Variants in TRIP4 observed in about 807,000 individuals in gnomAD.
TRIP4 encodes the protein thyroid hormone receptor interactor 4, also known as activating signal cointegrator 1.
TRIP4 carries 54 observed loss-of-function variants against 81.8 expected under a neutral mutation model. That is an observed-to-expected ratio of 0.66 (90% CI 0.53 to 0.83). TRIP4 has a LOEUF of 0.83. TRIP4 is among the 40% of genes least tolerant of loss of function. TRIP4 has a pLI of 0.00. For synonymous variants in TRIP4, 270 were observed against 242.8 expected, an observed-to-expected ratio of 1.11 and a Z score of -1.04; for missense variants, 662 against 683.6, an observed-to-expected ratio of 0.97 and a Z score of 0.35.
intron 7 of TRIP4, among the ~76,000 whole-genome samples, chr15:64,410,413 A>G (rs1490401762): frequency 6.6e-6 from 1 of 152,144 alleles, no homozygotes; most frequent in African/African-American, 2.4e-5. Context: ...GTATGTTTAC[A>G]TTGTGTTTGT....
intron 1 of TRIP4, among the ~76,000 whole-genome samples, chr15:64,392,992 C>A (rs1453442270): frequency 6.6e-6 from 1 of 152,028 alleles, no homozygotes; most frequent in Non-Finnish European, 1.5e-5. Flanking sequence ...CACCATTACA[C>A]TGTGAAAAGA....
intron 9 of TRIP4, among the ~76,000 whole-genome samples, chr15:64,418,970 CTG>C (rs746885330): frequency 6.6e-6 from 1 of 152,020 alleles, no homozygotes; most frequent in Non-Finnish European, 1.5e-5. Flanking sequence ...CTTAAACAAA[CTG>C]AGCATAAAAA....
chr15:64,455,188 A>G lies in TRIP4; in HGVS notation c.*124A>G, dbSNP rs1004597607. 5.6e-6 allele frequency: 4 copies of G among 719,904 alleles called. No homozygotes were observed. Among genetic ancestry groups the G allele is most frequent in the Admixed American group, 6.6e-5 (2 of 30,252 alleles). 44.6% of individuals were successfully genotyped at this position (719,904 alleles called of 1,614,324 possible). Reference sequence around the variant, plus strand: ...TGGCGTCAGGCTTGAATATCTCAGAACTTAAACTCTTACCAAAATCTGTAT... The same window carrying G: ...TGGCGTCAGGCTTGAATATCTCAGAGCTTAAACTCTTACCAAAATCTGTAT... On this transcript the variant is annotated 3_prime_UTR_variant, in exon 13 of 13. Transcript: ENST00000261884.
intron 12 of TRIP4, among the ~76,000 whole-genome samples, chr15:64,446,719 ATTAG>A (rs1221143669): frequency 6.6e-6 from 1 of 151,498 alleles, no homozygotes; most frequent in African/African-American, 2.4e-5. Flanking sequence ...AAAAATTTTT[ATTAG>A]TTAATTGATT....
chr15:64,395,484 G>A lies in TRIP4; in HGVS notation c.358G>A (p.Glu120Lys), dbSNP rs928446698. The part of the protein sequence containing the change: ...RNRQEVPAFT[E>K]PDTTAEVKTP... ...CAGACAGGAAGTTCCTGCATTTACT[G>A]AACCTGACACGACTGCAGAGGTTAA... is the stretch of plus-strand genomic sequence containing the variant. The change falls in exon 3 of 13, where the codon GAA becomes AAA. Residue 120 changes from glutamate (E) to lysine (K), a missense_variant. Coordinates refer to ENST00000261884, the MANE Select transcript of TRIP4 (RefSeq NM_016213.5). The A allele has an allele frequency of 6.2e-7, 1 of 1,613,858 alleles. No homozygotes were observed. The highest frequency in any genetic ancestry group is 1.1e-5 in the South Asian group (1 of 91,054).
Position 64,409,575 on chromosome 15 carries a change from A to G in TRIP4, c.828-38A>G, listed in dbSNP as rs759858202. On this transcript the variant is annotated intron_variant, in intron 6 of 12. Transcript: ENST00000261884. Reference sequence around the variant, plus strand: ...TCCAATAATCGGTCCTTATTTGTCAACAGATGACCTAATTACCATGTGTTC... The same window carrying G: ...TCCAATAATCGGTCCTTATTTGTCAGCAGATGACCTAATTACCATGTGTTC... The G allele has an allele frequency of 1.9e-6, 3 of 1,588,370 alleles. No individual in the cohort carries two copies. In the South Asian group the frequency reaches 3.3e-5, roughly 18 times the overall value.
At chr15:64,405,176 A>G (rs995787537) in intron 5 of TRIP4, among the ~76,000 whole-genome samples, 10 of 141,398 alleles carry the variant, frequency 7.1e-5, no homozygotes, top group African/African-American at 1.9e-4. Flanking sequence ...TTTTTTTGAG[A>G]TGGAGTCTTG....
At chr15:64,452,149 G>T (rs1007992473) in intron 12 of TRIP4, among the ~76,000 whole-genome samples, 2 of 151,864 alleles carry the variant, frequency 1.3e-5, no homozygotes, top group Admixed American at 6.6e-5. Flanking sequence ...GTTGAGGGGG[G>T]TTTGGTTTTT....
Position 64,406,469 on chromosome 15 carries a change from G to A in TRIP4, c.827+10G>A, listed in dbSNP as rs371331371. 1.9e-6 allele frequency: 3 copies of A among 1,610,368 alleles called. No homozygotes were observed. The highest frequency in any genetic ancestry group is 2.5e-6 in the Non-Finnish European group (3 of 1,178,736). Reference sequence around the variant, plus strand: ...AGTTTGACAGAACTAGGTATGAAAGGGTTAGAATAACAAATGCTAAGAAAT... The same window carrying A: ...AGTTTGACAGAACTAGGTATGAAAGAGTTAGAATAACAAATGCTAAGAAAT... On this transcript the variant is annotated intron_variant, in intron 6 of 12. Coordinates refer to ENST00000261884, the MANE Select transcript of TRIP4 (RefSeq NM_016213.5).
chr15:64,439,921 T>A (rs980380970), intron 11 of TRIP4, among the ~76,000 whole-genome samples: 10 of 152,056 alleles, frequency 6.6e-5, no homozygotes, highest in Admixed American at 2.6e-4. Flanking sequence ...ATTGATCATT[T>A]CAGTACAAGA....
chr15:64,454,951 T>C, intron 12 of TRIP4, 46 bp from the exon 13 acceptor site: 1 of 1,588,432 alleles, frequency 6.3e-7, no homozygotes, highest in Non-Finnish European at 8.6e-7. Flanking sequence ...AGATTTGCAT[T>C]GCAAATACAA....
chr15:64,405,998 A>C (rs1018464986), intron 5 of TRIP4, among the ~76,000 whole-genome samples: 1 of 152,182 alleles, frequency 6.6e-6, no homozygotes, highest in East Asian at 1.9e-4. Context: ...TCTTGAAAAA[A>C]CGTATATTTA....
At chr15:64,390,154 C>A (rs115665346) in intron 1 of TRIP4, among the ~76,000 whole-genome samples, 3,848 of 145,532 alleles carry the variant, frequency 0.026, 153 homozygotes, top group African/African-American at 0.093. Context: ...ATATTAAATA[C>A]AGTATTAAAA....
chr15:64,411,639 A>G (rs1250132258), intron 7 of TRIP4, among the ~76,000 whole-genome samples: 1 of 151,884 alleles, frequency 6.6e-6, no homozygotes, highest in Non-Finnish European at 1.5e-5. Flanking sequence ...TACATAAACA[A>G]AAAAGTTACA....
At chr15:64,421,864 C>T (rs752872100) in intron 9 of TRIP4, among the ~76,000 whole-genome samples, 1 of 151,844 alleles carries the variant, frequency 6.6e-6, no homozygotes, top group African/African-American at 2.4e-5. Flanking sequence ...GCCAACATGG[C>T]GAAACCCCAT....
intron 11 of TRIP4, among the ~76,000 whole-genome samples, chr15:64,427,493 A>G (rs1317679969): frequency 6.6e-6 from 1 of 151,942 alleles, no homozygotes; most frequent in Non-Finnish European, 1.5e-5. Flanking sequence ...CTCCCACCTC[A>G]GCCTCCCAGT....
At chr15:64,405,913 G>A (rs988487941) in intron 5 of TRIP4, among the ~76,000 whole-genome samples, 3 of 152,176 alleles carry the variant, frequency 2.0e-5, no homozygotes, top group African/African-American at 7.2e-5. Context: ...GATCGCCTGA[G>A]CCTAAGAGTT....
At chr15:64,391,845 C>T (rs975060130) in intron 1 of TRIP4, among the ~76,000 whole-genome samples, 2 of 151,736 alleles carry the variant, frequency 1.3e-5, no homozygotes, top group African/African-American at 4.8e-5. Flanking sequence ...GTGGTGCACG[C>T]CTGCAATCCC....
chr15:64,450,689 C>T (rs780860801), intron 12 of TRIP4: 7 of 455,914 alleles, frequency 1.5e-5, no homozygotes, highest in Non-Finnish European at 3.1e-5. Context: ...GAAAGAACGT[C>T]TGAATTCCTG....
Sources: gnomAD v4.1 joint callset for allele counts (sites outside exome capture counted in the v4.1 genomes callset) on GRCh38, gnomAD v4.1.1 for gene constraint, MANE v1.5 for transcripts, NCBI Gene and HGNC (gene_info 2026-07-23, HGNC 2026-07-21) for gene names.